The following BRD1 variants were observed in gnomAD, a reference collection of about 807,000 sequenced individuals.
BRD1 encodes bromodomain-containing protein 1.
Under a neutral mutation model 107.7 loss-of-function variants are expected in BRD1, and 24 were observed. The observed-to-expected ratio is 0.22, with a 90% CI of 0.16 to 0.31. The LOEUF (loss-of-function observed/expected upper bound fraction) is 0.31, where lower values mean the gene tolerates loss of function less well. Ranked by LOEUF, BRD1 falls within the 10% of genes least tolerant of loss-of-function variation. The pLI is 1.00. For missense variants in BRD1, 1,279 were observed against 1,638.6 expected (o/e 0.78, Z 3.79); for synonymous variants, 744 against 686.1 (o/e 1.08, Z -1.32).
intron 2 of BRD1, chr22:49,806,646 G>A (rs2059750085): frequency 6.6e-6 from 1 of 152,288 alleles, no homozygotes; most frequent in Non-Finnish European, 1.5e-5. Flanking sequence ...CAAGATGAAG[G>A]AGGCCTGGGG....
At chr22:49,776,342 G>A (rs1173765034) in intron 10 of BRD1, among the ~76,000 whole-genome samples, 183 bp from the exon 11 acceptor site, 1 of 152,168 alleles carries the variant, frequency 6.6e-6, no homozygotes, top group African/African-American at 2.4e-5. Context: ...CATCCCCACT[G>A]TCCCTGCAGC....
intron 2 of BRD1, chr22:49,818,428 T>C (rs1259442393): frequency 2.9e-6 from 3 of 1,052,338 alleles, no homozygotes; most frequent in Non-Finnish European, 3.5e-6. Flanking sequence ...TATCCCTCAT[T>C]TCATGCAATA....
chr22:49,824,953 C>T lies in BRD1; in HGVS notation c.-14-622G>A, dbSNP rs2147442864. 4 of 347,332 alleles carry T rather than the reference C, an allele frequency of 1.2e-5. No individual in the cohort carries two copies. In the South Asian group the frequency reaches 3.2e-4, roughly 28 times the overall value. 21.5% of individuals were successfully genotyped at this position (347,332 alleles called of 1,614,324 possible). ...GTCCATCCTCTATAGACAGGCCCTCCACACGCACAACACGGCACAGGGGAC... is the reference window on the plus strand; with the variant it reads ...GTCCATCCTCTATAGACAGGCCCTCTACACGCACAACACGGCACAGGGGAC... On this transcript the variant is annotated intron_variant, in intron 1 of 12. Coordinates refer to ENST00000404760, the MANE Select transcript of BRD1 (RefSeq NM_001304808.3). This position sits in a 1 kb window ranked among gnomAD's most constrained non-coding sequence, Gnocchi z 5.9.
intron 1 of BRD1, chr22:49,826,383 A>T (rs2060149127): frequency 4.7e-6 from 2 of 426,524 alleles, no homozygotes; most frequent in South Asian, 1.9e-4. Flanking sequence ...AGGGCGACCC[A>T]CGACCTCCTC....
Position 49,824,879 on chromosome 22 carries a change from C to T in BRD1, c.-14-548G>A, listed in dbSNP as rs1465044992. On this transcript the variant is annotated intron_variant, in intron 1 of 12. Coordinates refer to ENST00000404760, the MANE Select transcript of BRD1 (RefSeq NM_001304808.3). The surrounding 1 kb of genome is among the most constrained non-coding windows in gnomAD (Gnocchi z 5.9). ...CCCATGAGCCCAGAGTCACCACAGT[C>T]CTTGCAGCATTCCTGCTGGGGCCAG... 3 of 958,854 alleles carry T rather than the reference C, an allele frequency of 3.1e-6. No homozygotes were observed. Among genetic ancestry groups the T allele is most frequent in the East Asian group, 1.0e-4 (1 of 9,716 alleles). The allele number at this position is 958,854 out of a possible 1,614,324, so 59.4% of individuals were successfully genotyped here.
At chr22:49,796,407 A>AGG (rs2059533526) in intron 6 of BRD1, among the ~76,000 whole-genome samples, 1 of 148,282 alleles carries the variant, frequency 6.7e-6, no homozygotes, top group African/African-American at 2.5e-5. Flanking sequence ...CCCAGGCTTC[A>AGG]GTGCAATGGC....
At chr22:49,775,858 ACCACCCCC>A in intron 11 of BRD1, 113 bp from the exon 12 acceptor site, 2 of 996,930 alleles carry the variant, frequency 2.0e-6, no homozygotes, top group Non-Finnish European at 2.5e-6. Flanking sequence ...GCCTCCTCAG[ACCACCCCC>A]ACGCCCCCCT....
Position 49,822,992 on chromosome 22 carries a change from C to T in BRD1, c.1326G>A (p.Ala442=), listed in dbSNP as rs756018433. 1.1e-5 allele frequency: 18 copies of T among 1,614,136 alleles called. No individual in the cohort carries two copies. Among genetic ancestry groups the T allele is most frequent in the East Asian group, 8.9e-5 (4 of 44,898 alleles). ...KAKKALAEPC[A]VLPTVCAPYI... ...AAGGAGCGCACACGGTCGGCAGGAC[C>T]GCGCAGGGCTCAGCCAGAGCTTTCT... Residue 442 remains alanine (A), a synonymous_variant, in exon 2 of 13, where the codon GCG becomes GCA. Transcript: ENST00000404760.
At chr22:49,799,942 G>T (rs1248248637) in intron 3 of BRD1, among the ~76,000 whole-genome samples, 1 of 152,200 alleles carries the variant, frequency 6.6e-6, no homozygotes, top group Non-Finnish European at 1.5e-5. Context: ...CCTCAAAGGG[G>T]AGAGGAAGTC....
intron 1 of BRD1, among the ~76,000 whole-genome samples, chr22:49,826,644 G>A (rs1045318852): frequency 6.6e-6 from 1 of 152,240 alleles, no homozygotes; most frequent in Non-Finnish European, 1.5e-5. Context: ...CACAGGGGCC[G>A]CGGCCGCTGA....
rs116527682 is a variant in BRD1, at chr22:49,814,728, C to T, written c.1367+8223G>A. Among the ~76,000 whole-genome samples, 1,119 of 152,342 alleles carry T rather than the reference C, an allele frequency of 7.3e-3. 12 individuals carry two copies. Among genetic ancestry groups the T allele is most frequent in the African/African-American group, 0.026 (1,066 of 41,566 alleles). On this transcript the variant is annotated intron_variant, in intron 2 of 12. Coordinates refer to ENST00000404760, the MANE Select transcript of BRD1 (RefSeq NM_001304808.3). ...GAGGTGCTCTCAGGAAAGCCACCAT[C>T]GCCTCCAGCAGGTAGCACCTAGGCT... is the stretch of plus-strand genomic sequence containing the variant.
At chr22:49,807,152 C>T (rs914022532) in intron 2 of BRD1, 4 of 152,142 alleles carry the variant, frequency 2.6e-5, no homozygotes, top group Admixed American at 2.0e-4. Flanking sequence ...ACTAAATGCA[C>T]TAGGGAACGT....
chr22:49,816,077 G>C (rs370098895), intron 2 of BRD1, among the ~76,000 whole-genome samples: 6 of 152,144 alleles, frequency 3.9e-5, no homozygotes, highest in East Asian at 1.9e-4. Flanking sequence ...TACCCACACA[G>C]GGCTCTCCCC....
intron 2 of BRD1, among the ~76,000 whole-genome samples, chr22:49,811,167 A>G (rs1443043842): frequency 6.6e-6 from 1 of 151,790 alleles, no homozygotes; most frequent in Non-Finnish European, 1.5e-5. Context: ...GAACAAAAAA[A>G]CACATTTCTA....
At chr22:49,793,804 G>C (rs917400662) in intron 7 of BRD1, among the ~76,000 whole-genome samples, 3 of 152,232 alleles carry the variant, frequency 2.0e-5, no homozygotes, top group African/African-American at 7.2e-5. Context: ...TTTATCAACT[G>C]ATTATGTGAG....
intron 2 of BRD1, among the ~76,000 whole-genome samples, chr22:49,808,388 T>G (rs113209252): frequency 6.6e-6 from 1 of 152,204 alleles, no homozygotes; most frequent in African/African-American, 2.4e-5. Flanking sequence ...TGGAAAAGCC[T>G]TGAAAATGTG....
Position 49,773,629 on chromosome 22 carries a change from A to G in BRD1, c.*604T>C, listed in dbSNP as rs1175087420. The G allele has an allele frequency of 6.6e-6, 1 of 152,642 alleles. No individual in the cohort carries two copies. Among genetic ancestry groups the G allele is most frequent in the Non-Finnish European group, 1.5e-5 (1 of 68,062 alleles). 9.5% of individuals were successfully genotyped at this position (152,642 alleles called of 1,614,324 possible). A position where few individuals can be genotyped will look rare whatever the true frequency, so the allele number is the denominator to read the frequency against. ...CATATCAATATACCTTTGCAAATGT[A>G]TTTTTCATTATAAAGCAAATGAATA... On this transcript the variant is annotated 3_prime_UTR_variant, in exon 13 of 13. Transcript: ENST00000404760.
intron 8 of BRD1, among the ~76,000 whole-genome samples, chr22:49,785,438 C>T (rs770568116): frequency 9.2e-5 from 14 of 152,248 alleles, no homozygotes; most frequent in East Asian, 3.8e-4. Flanking sequence ...GCAGAGGGGA[C>T]GCCCACAATT....
At chr22:49,776,653 G>C (rs1266907218) in intron 10 of BRD1, among the ~76,000 whole-genome samples, 1 of 152,104 alleles carries the variant, frequency 6.6e-6, no homozygotes, top group Non-Finnish European at 1.5e-5. Flanking sequence ...CCAAACCCTG[G>C]GGCCTCCCCC....
Sources: gnomAD v4.1 joint callset for allele counts (sites outside exome capture counted in the v4.1 genomes callset) on GRCh38, gnomAD v4.1.1 for gene constraint, Gnocchi (gnomAD v3.1) non-coding constraint, MANE v1.5 for transcripts, NCBI Gene and HGNC (gene_info 2026-07-23, HGNC 2026-07-21) for gene names.